TMEM132D: variants seen among roughly 807,000 people sequenced by gnomAD.
TMEM132D encodes the protein mature OL transmembrane protein.
A neutral mutation model predicts 62.3 loss-of-function variants in TMEM132D; 21 were observed. That is an observed-to-expected ratio of 0.34 (90% CI 0.24 to 0.49). The LOEUF (loss-of-function observed/expected upper bound fraction) is 0.49. Among genes scored for constraint, TMEM132D ranks in the 20% least tolerant of loss-of-function variants. TMEM132D has a pLI of 0.99. For missense variants in TMEM132D, 1,346 were observed against 1,402.8 expected, an observed-to-expected ratio of 0.96 and a Z score of 0.65; for synonymous variants, 621 against 575.6, an observed-to-expected ratio of 1.08 and a Z score of -1.13.
At chr12:129,831,425 T>A (rs957094463) in intron 1 of TMEM132D, among the ~76,000 whole-genome samples, 1 of 152,194 alleles carries the variant, frequency 6.6e-6, no homozygotes, top group South Asian at 2.1e-4. Context: ...GAGACTGTGG[T>A]CTTTGATGCC....
chr12:129,285,984 T>TA (rs151182410), intron 4 of TMEM132D, among the ~76,000 whole-genome samples: 1,974 of 152,288 alleles, frequency 0.013, 49 homozygotes, highest in African/African-American at 0.043. Context: ...AGATGCTTTT[T>TA]AAAAAAATAT....
chr12:129,550,347 G>A (rs1415588548), intron 2 of TMEM132D, among the ~76,000 whole-genome samples: 2 of 152,156 alleles, frequency 1.3e-5, no homozygotes, highest in Non-Finnish European at 1.5e-5. Flanking sequence ...ACTGTAAAAT[G>A]GGATTTGTCT....
chr12:129,212,811 A>G (rs2135568883), intron 4 of TMEM132D: 1 of 150,382 alleles, frequency 6.6e-6, no homozygotes, highest in East Asian at 2.0e-4. Flanking sequence ...GAGGTAGAAT[A>G]GCAGAGAATA....
At chr12:129,126,741 G>A (rs746101325) in intron 5 of TMEM132D, among the ~76,000 whole-genome samples, 1 of 152,184 alleles carries the variant, frequency 6.6e-6, no homozygotes, top group Non-Finnish European at 1.5e-5. Flanking sequence ...AGATAAAATG[G>A]GGTAGTAATG....
chr12:129,261,260 T>C (rs1398056470), intron 4 of TMEM132D, among the ~76,000 whole-genome samples: 2 of 152,210 alleles, frequency 1.3e-5, no homozygotes, highest in African/African-American at 4.8e-5. Flanking sequence ...TCTTGAATTG[T>C]AGCTCCCATA....
At chr12:129,479,576 A>C (rs1874373709) in intron 3 of TMEM132D, among the ~76,000 whole-genome samples, 1 of 152,246 alleles carries the variant, frequency 6.6e-6, no homozygotes, top group African/African-American at 2.4e-5. Flanking sequence ...TGGTGATTAC[A>C]TTTTATGCAG....
chr12:129,646,245 G>T (rs569380955), intron 2 of TMEM132D, among the ~76,000 whole-genome samples: 75 of 152,176 alleles, frequency 4.9e-4, no homozygotes, highest in African/African-American at 1.7e-3. Context: ...AGTACATTTC[G>T]CACTGTCTCT....
chr12:129,396,782 A>C (rs7132602), intron 3 of TMEM132D, among the ~76,000 whole-genome samples: 6,359 of 152,290 alleles, frequency 0.042, 426 homozygotes, highest in African/African-American at 0.14. Context: ...AGATGACTTT[A>C]TACCCCCAAT....
chr12:129,765,366 A>G (rs1870516693), intron 1 of TMEM132D, among the ~76,000 whole-genome samples: 1 of 152,182 alleles, frequency 6.6e-6, no homozygotes, highest in Non-Finnish European at 1.5e-5. Flanking sequence ...TGAGAGTTTG[A>G]GACCAGCCTG....
intron 5 of TMEM132D, among the ~76,000 whole-genome samples, chr12:129,135,659 T>C (rs1197942962): frequency 1.3e-5 from 2 of 151,676 alleles, no homozygotes; most frequent in East Asian, 3.9e-4. Flanking sequence ...AAATAGTTTT[T>C]TTTTGCTCCA....
At chr12:129,176,062 G>A (rs1877897637) in intron 5 of TMEM132D, among the ~76,000 whole-genome samples, 1 of 152,168 alleles carries the variant, frequency 6.6e-6, no homozygotes, top group Non-Finnish European at 1.5e-5. Context: ...TTGAACTTGG[G>A]AGCCACTGAG....
At chr12:129,726,488 G>A (rs1261688932) in intron 1 of TMEM132D, among the ~76,000 whole-genome samples, 1 of 152,114 alleles carries the variant, frequency 6.6e-6, no homozygotes, top group Non-Finnish European at 1.5e-5. Flanking sequence ...TGTGTGGAGG[G>A]AAAAGAAGAG....
At chr12:129,339,362 A>T (rs978581547) in intron 3 of TMEM132D, among the ~76,000 whole-genome samples, 3 of 118,876 alleles carry the variant, frequency 2.5e-5, no homozygotes, top group Middle Eastern at 4.1e-3. Context: ...GAGAAATGAG[A>T]TGAGAAGAAC....
chr12:129,376,553 C>G (rs1870787176), intron 3 of TMEM132D, among the ~76,000 whole-genome samples: 2 of 152,140 alleles, frequency 1.3e-5, no homozygotes. Context: ...TGGGTGGGGA[C>G]ACAGCCAAAC....
intron 1 of TMEM132D, among the ~76,000 whole-genome samples, chr12:129,738,537 G>A (rs949201573): frequency 9.2e-5 from 14 of 152,308 alleles, no homozygotes; most frequent in African/African-American, 2.9e-4. Context: ...ACCCCAACAC[G>A]CTGTAGCAAG....
In TMEM132D at chr12:129,682,101, T is replaced by C. The variant is rs759833631; in HGVS notation, c.968+17709A>G. The stretch of plus-strand genomic sequence containing the variant: ...CCATGGTCCTCTTTTTGTTTCTTCT[T>C]TATAGTTTAAGTCAGAGGTAATCTG... On this transcript the variant is annotated intron_variant, in intron 2 of 8. Transcript: ENST00000422113. Among the ~76,000 whole-genome samples, 327 of 152,184 alleles carry C rather than the reference T, an allele frequency of 2.1e-3. 3 individuals are homozygous for C. Among genetic ancestry groups the C allele is most frequent in the Non-Finnish European group, 1.5e-3 (103 of 68,034 alleles).
intron 5 of TMEM132D, among the ~76,000 whole-genome samples, chr12:129,167,346 C>T (rs954580780): frequency 3.9e-5 from 6 of 152,058 alleles, no homozygotes; most frequent in African/African-American, 9.7e-5. Context: ...AGGGCAGAAA[C>T]GTCGATTTGC....
At chr12:129,797,841 T>A (rs1871611963) in intron 1 of TMEM132D, among the ~76,000 whole-genome samples, 1 of 150,582 alleles carries the variant, frequency 6.6e-6, no homozygotes, top group African/African-American at 2.4e-5. Flanking sequence ...ACAGGAGATT[T>A]CGGAGATACT....
At chr12:129,528,367 C>T (rs569506532) in intron 3 of TMEM132D, among the ~76,000 whole-genome samples, 147 of 148,114 alleles carry the variant, frequency 9.9e-4, no homozygotes, top group African/African-American at 3.5e-3. Context: ...ATGAATACAT[C>T]ATATTTTAAA....
Sources: allele counts gnomAD v4.1 joint callset (sites outside exome capture counted in the v4.1 genomes callset), GRCh38; gene constraint gnomAD v4.1.1; transcripts MANE v1.5; gene names NCBI Gene and HGNC (gene_info 2026-07-23, HGNC 2026-07-21).